The following DNAH9 variants were observed in gnomAD, a reference collection of about 807,000 sequenced individuals.
DNAH9 encodes the protein dynein axonemal heavy chain 9.
DNAH9 carries 345 observed loss-of-function variants against 471.6 expected under a neutral mutation model. The observed-to-expected ratio is 0.73, with a 90% confidence interval of 0.67 to 0.80. The LOEUF (loss-of-function observed/expected upper bound fraction) is 0.80. DNAH9 is among the 30% of genes least tolerant of loss of function. The probability of loss-of-function intolerance (pLI) is 0.00; values close to 1 mark genes in which losing one functional copy is unlikely to be tolerated. For missense variants in DNAH9, 5,407 were observed against 5,609.2 expected, an observed-to-expected ratio of 0.96 and a Z score of 1.15; for synonymous variants, 2,093 against 2,123.6, an observed-to-expected ratio of 0.99 and a Z score of 0.40.
intron 61 of DNAH9, among the ~76,000 whole-genome samples, chr17:11,912,856 G>C (rs1251477866): frequency 6.6e-6 from 1 of 152,070 alleles, no homozygotes; most frequent in African/African-American, 2.4e-5. Context: ...AGTATTCCCT[G>C]TGCTTTTATT....
Position 11,607,941 on chromosome 17 carries a change from A to G in DNAH9, c.418-188A>G, listed in dbSNP as rs542860439. 1.4e-4 allele frequency among the ~76,000 whole-genome samples: 22 copies of G among 152,264 alleles called. No homozygotes were observed. The South Asian group carries it at 4.6e-3, about 32-fold the overall frequency. On this transcript the variant is annotated intron_variant, in intron 1 of 68. Coordinates refer to ENST00000262442, the MANE Select transcript of DNAH9 (RefSeq NM_001372.4). ...GGGAAGGAAAACTTGTAAGCAGGCT[A>G]TTCAAGGGCTTCCCCAATTTACCAG...
At position 11,881,318 on chromosome 17, in the gene DNAH9, A is replaced by C; in HGVS notation, c.10711A>C (p.Thr3571Pro). Residue 3571 changes from threonine to proline, a missense_variant, in exon 55 of 69, where the codon ACC becomes CCC. Thr to Pro is a conservative substitution (Grantham distance 38). Around this residue, in one of 3 missense-constraint regions of DNAH9, gnomAD observed 4,636 missense variants for 4,900.3 expected, o/e 0.95. Coordinates refer to ENST00000262442, the MANE Select transcript of DNAH9 (RefSeq NM_001372.4). Reference protein sequence around the residue: ...HYQPELQAQATLINFTVTRDG... With the variant: ...HYQPELQAQAPLINFTVTRDG... ...CCAGCCTGAGCTGCAGGCTCAGGCC[A>C]CCCTGATCAACTTCACCGTGACCAG... The C allele has an allele frequency of 6.2e-7, 1 of 1,614,114 alleles. No individual in the cohort carries two copies.
chr17:11,626,825 C>G lies in DNAH9; in HGVS notation c.1351-2592C>G, dbSNP rs2072978335. On this transcript the variant is annotated intron_variant, in intron 6 of 68. Coordinates refer to ENST00000262442, the MANE Select transcript of DNAH9 (RefSeq NM_001372.4). The surrounding 1 kb of genome is among the most constrained non-coding windows in gnomAD (Gnocchi z 4.3). The stretch of plus-strand genomic sequence containing the variant: ...TCAGATGTCAGGGTTCCTAGCTCCT[C>G]TATCACCTTGCTGCTTTTTTTTCTG... Among the ~76,000 whole-genome samples the G allele has an allele frequency of 1.3e-5, 2 of 152,052 alleles. No homozygotes were observed. Among genetic ancestry groups the G allele is most frequent in the African/African-American group, 4.8e-5 (2 of 41,406 alleles).
intron 42 of DNAH9, among the ~76,000 whole-genome samples, 174 bp downstream of exon 42, chr17:11,793,838 T>C (rs1361005106): frequency 6.6e-6 from 1 of 152,024 alleles, no homozygotes; most frequent in East Asian, 1.9e-4. Context: ...CAAGAATAGA[T>C]GCAAATTAAT....
At chr17:11,852,801 A>AGTGTGTGT (rs375315617) in intron 49 of DNAH9, among the ~76,000 whole-genome samples, 704 of 40,960 alleles carry the variant, frequency 0.017, 21 homozygotes, top group Non-Finnish European at 0.022. Flanking sequence ...TATATAAGAA[A>AGTGTGTGT]GTGTGTGTGT....
intron 42 of DNAH9, among the ~76,000 whole-genome samples, chr17:11,797,186 G>A (rs1263059361): frequency 6.6e-6 from 1 of 152,170 alleles, no homozygotes; most frequent in Non-Finnish European, 1.5e-5. Context: ...GCTGCAGATT[G>A]AGGACCTAGA....
intron 49 of DNAH9, among the ~76,000 whole-genome samples, chr17:11,847,587 G>C (rs77509132): frequency 6.6e-6 from 1 of 151,892 alleles, no homozygotes; most frequent in Non-Finnish European, 1.5e-5. Context: ...TGTCTGTTTT[G>C]GTACCAGTGC....
Position 11,891,890 on chromosome 17 carries a change from C to T in DNAH9, c.11226C>T (p.Thr3742=), listed in dbSNP as rs1369430491. ...DSITFSVYQY[T]IRGLFECDKL... ...TAACCTTCTCTGTGTACCAGTACAC[C>T]ATCCGCGGGCTCTTTGAGTGTGATA... The change falls in exon 58 of 69, where the codon ACC becomes ACT. Residue 3742 remains threonine, a synonymous_variant. Transcript: ENST00000262442. 9 of 1,613,936 alleles carry T rather than the reference C, an allele frequency of 5.6e-6. No homozygotes were observed. The East Asian group carries it at 1.8e-4, about 32-fold the overall frequency.
chr17:11,608,401 C>G, intron 2 of DNAH9, 76 bp downstream of exon 2: 1 of 1,188,724 alleles, frequency 8.4e-7, no homozygotes, highest in Middle Eastern at 2.4e-4. Context: ...TTCCTTACAA[C>G]TTTTCTGTTC....
At chr17:11,702,429 A>G (rs1456299228) in intron 24 of DNAH9, among the ~76,000 whole-genome samples, 2 of 152,252 alleles carry the variant, frequency 1.3e-5, no homozygotes, top group Non-Finnish European at 2.9e-5. Context: ...TGGGGGTTGC[A>G]GACATTTAGT....
chr17:11,630,497 C>T (rs9903418), intron 7 of DNAH9: 80,648 of 152,000 alleles, frequency 0.53, 23,403 homozygotes, highest in African/African-American at 0.77. Flanking sequence ...AGTTGAACAA[C>T]GAGAACACAT....
At chr17:11,896,182 T>C (rs1243412051) in intron 59 of DNAH9, among the ~76,000 whole-genome samples, 1 of 152,192 alleles carries the variant, frequency 6.6e-6, no homozygotes, top group Admixed American at 6.5e-5. Context: ...AGTAACTCCA[T>C]CTTAACTTGA....
At chr17:11,718,010 A>G (rs1198998949) in intron 26 of DNAH9, among the ~76,000 whole-genome samples, 1 of 150,942 alleles carries the variant, frequency 6.6e-6, no homozygotes, top group Non-Finnish European at 1.5e-5. Context: ...AGTAGCTGGA[A>G]TTACAGGCGC....
rs763712745 is a variant in DNAH9, at chr17:11,610,560, C to A, written c.773+6C>A. 28 of 1,611,666 alleles carry A rather than the reference C, an allele frequency of 1.7e-5. No homozygotes were observed. Among genetic ancestry groups the A allele is most frequent in the Non-Finnish European group, 2.1e-5 (25 of 1,179,528 alleles). ...TTGGAGTTCTGGAAGAGCAGGTAGGCAAGAAGGCACATGCTGGAAGTCTGG... is the reference window on the plus strand; with the variant it reads ...TTGGAGTTCTGGAAGAGCAGGTAGGAAAGAAGGCACATGCTGGAAGTCTGG... On this transcript the variant is annotated splice_donor_region_variant and intron_variant, in intron 3 of 68. Transcript: ENST00000262442.
chr17:11,715,989 G>A (rs947934238), intron 26 of DNAH9, among the ~76,000 whole-genome samples: 1 of 152,042 alleles, frequency 6.6e-6, no homozygotes, highest in South Asian at 2.1e-4. Context: ...GCAGGGATAT[G>A]TCCCAAAGGA....
chr17:11,699,663 C>T (rs2074556241), intron 22 of DNAH9, 68 bp from the exon 23 acceptor site: 5 of 1,464,448 alleles, frequency 3.4e-6, no homozygotes, highest in East Asian at 2.3e-5. Context: ...TGGTAGGCCT[C>T]TAAACAATTC....
Position 11,854,052 on chromosome 17 carries a change from G to A in DNAH9, c.9557G>A (p.Ser3186Asn), listed in dbSNP as rs558536542. 7.4e-6 allele frequency: 12 copies of A among 1,614,062 alleles called. No homozygotes were observed. Among genetic ancestry groups the A allele is most frequent in the Non-Finnish European group, 1.0e-5 (12 of 1,180,042 alleles). Reference protein sequence around the residue: ...KSFGSPPLAVSNVSAAVMVLM... With the variant: ...KSFGSPPLAVNNVSAAVMVLM... ...TTTGGCTCTCCGCCTCTGGCCGTCA[G>A]CAATGTCAGCGCTGCGGTGATGGTA... is the stretch of plus-strand genomic sequence containing the variant. Residue 3186 changes from serine to asparagine, a missense_variant, in exon 50 of 69, where the codon AGC (serine) becomes AAC (asparagine). Ser to Asn is a conservative substitution (Grantham distance 46). This residue lies in a region of DNAH9 where 4,636 missense variants were observed against 4,900.3 expected (regional missense o/e 0.95). Transcript: ENST00000262442.
At chr17:11,840,035 G>A (rs566225587) in intron 49 of DNAH9, among the ~76,000 whole-genome samples, 3 of 152,124 alleles carry the variant, frequency 2.0e-5, no homozygotes, top group Non-Finnish European at 4.4e-5. Context: ...AATAGAAACA[G>A]CATATGACCC....
intron 9 of DNAH9, 36 bp downstream of exon 9, chr17:11,636,820 C>T: frequency 6.3e-7 from 1 of 1,594,452 alleles, no homozygotes; most frequent in East Asian, 2.2e-5. Context: ...TGGGGACATT[C>T]TGTTACTGGA....
Sources: gnomAD v4.1 joint callset for allele counts (sites outside exome capture counted in the v4.1 genomes callset) on GRCh38, gnomAD v4.1.1 for gene constraint, gnomAD v4.1.1 regional missense constraint, Gnocchi (gnomAD v3.1) non-coding constraint, MANE v1.5 for transcripts, NCBI Gene and HGNC (gene_info 2026-07-23, HGNC 2026-07-21) for gene names.